The following TENM2 variants were observed in gnomAD, a reference collection of about 807,000 sequenced individuals.
The protein encoded by TENM2 is teneurin transmembrane protein 2.
TENM2 carries 52 observed loss-of-function variants against 245.2 expected under a neutral mutation model. That is an observed-to-expected ratio of 0.21 (90% CI 0.17 to 0.27). TENM2 has a LOEUF of 0.27. Among genes scored for constraint, TENM2 ranks in the 10% least tolerant of loss-of-function variants. The pLI is 1.00. For synonymous variants in TENM2, 1,363 were observed against 1,438.9 expected (o/e 0.95, Z 1.19); for missense variants, 3,046 against 3,666.8 (o/e 0.83, Z 4.37).
intron 1 of TENM2, among the ~76,000 whole-genome samples, chr5:167,349,827 TTA>T (rs1399316207): frequency 2.0e-5 from 3 of 152,150 alleles, no homozygotes; most frequent in African/African-American, 7.2e-5. Context: ...ATCTCTTTTC[TTA>T]TATACATGAA....
chr5:167,416,610 A>G (rs565295698), intron 2 of TENM2, among the ~76,000 whole-genome samples: 3 of 152,326 alleles, frequency 2.0e-5, no homozygotes, highest in African/African-American at 7.2e-5. Context: ...TTTATTGCAG[A>G]ATTACCAAAA....
At chr5:168,040,120 C>T (rs1018534276) in intron 5 of TENM2, among the ~76,000 whole-genome samples, 1 of 152,206 alleles carries the variant, frequency 6.6e-6, no homozygotes, top group Non-Finnish European at 1.5e-5. Flanking sequence ...CCTCACGCAA[C>T]TATCACCTTG....
chr5:167,800,945 T>G (rs1765665269), intron 2 of TENM2, among the ~76,000 whole-genome samples: 1 of 151,764 alleles, frequency 6.6e-6, no homozygotes, highest in Non-Finnish European at 1.5e-5. Context: ...TATTAGATCT[T>G]CCTTTGTTCT....
chr5:167,439,919 C>T (rs1158964308), intron 2 of TENM2, among the ~76,000 whole-genome samples: 2 of 152,148 alleles, frequency 1.3e-5, no homozygotes, highest in African/African-American at 2.4e-5. Flanking sequence ...ATCTATATTG[C>T]ATTATTGCCA....
chr5:168,160,809 T>A (rs1023408323), intron 12 of TENM2, among the ~76,000 whole-genome samples: 39 of 152,058 alleles, frequency 2.6e-4, no homozygotes, highest in African/African-American at 8.2e-4. Context: ...GAGGGTCATT[T>A]GAGGCCAGGA....
intron 2 of TENM2, among the ~76,000 whole-genome samples, chr5:167,716,784 G>A (rs1011536058): frequency 1.4e-4 from 21 of 151,624 alleles, no homozygotes; most frequent in African/African-American, 4.8e-4. Context: ...ACAGAAATCC[G>A]AAGGGAAAAA....
chr5:168,228,053 G>A, exon 25 of TENM2: 1 of 1,613,920 alleles, frequency 6.2e-7, no homozygotes, highest in Non-Finnish European at 8.5e-7. Flanking sequence ...TATGGAGAAT[G>A]GCTTAAACTC....
the TENM2 span, among the ~76,000 whole-genome samples, chr5:167,059,095 C>T: frequency 4.1e-4 from 62 of 152,270 alleles, no homozygotes; most frequent in East Asian, 0.012. Context: ...AGTCTGCAAA[C>T]CTCTGATATG....
chr5:167,888,463 T>TTTGGA (rs1333939585), intron 3 of TENM2, among the ~76,000 whole-genome samples: 1 of 152,030 alleles, frequency 6.6e-6, no homozygotes, highest in Non-Finnish European at 1.5e-5. Context: ...ATTTGCAATA[T>TTTGGA]CCAAAGAATG....
chr5:168,234,370 C>G (rs1023523171), intron 25 of TENM2, among the ~76,000 whole-genome samples: 2 of 152,134 alleles, frequency 1.3e-5, no homozygotes, highest in African/African-American at 4.8e-5. Context: ...CAGGCAGGCA[C>G]AGGTCACATG....
intron 2 of TENM2, among the ~76,000 whole-genome samples, chr5:167,734,922 CT>C (rs1209507503): frequency 6.6e-6 from 1 of 152,150 alleles, no homozygotes; most frequent in Non-Finnish European, 1.5e-5. Context: ...TGGTGAAAAA[CT>C]GATGGCATCA....
At chr5:167,596,724 A>T (rs1176883879) in intron 2 of TENM2, among the ~76,000 whole-genome samples, 3 of 149,728 alleles carry the variant, frequency 2.0e-5, no homozygotes, top group Non-Finnish European at 4.4e-5. Flanking sequence ...TGAACCCGGG[A>T]GGCGGAGCTT....
rs1795249143 is a variant in TENM2, at chr5:168,118,498, G to GGCCCC, written c.2008+14_2008+18dup. On this transcript the variant is annotated intron_variant, in intron 10 of 28. Transcript: ENST00000518659. ...GCACTGTGAGGAAGGTAAGCCCGCC[G>GGCCCC]GCCCCGGGGCTAGGCAGCAGTGGAG... 1 of 1,502,390 alleles carries GGCCCC rather than the reference G, an allele frequency of 6.7e-7. No individual in the cohort carries two copies. Among genetic ancestry groups the GGCCCC allele is most frequent in the Non-Finnish European group, 9.0e-7 (1 of 1,109,728 alleles). 93.1% of individuals were successfully genotyped at this position (1,502,390 alleles called of 1,614,324 possible).
At chr5:167,846,979 T>C (rs1389746413) in intron 2 of TENM2, among the ~76,000 whole-genome samples, 1 of 143,132 alleles carries the variant, frequency 7.0e-6, no homozygotes, top group African/African-American at 2.5e-5. Context: ...TGATTGGAAA[T>C]GGGATCTCAT....
the TENM2 span, among the ~76,000 whole-genome samples, chr5:167,115,452 A>G: frequency 1.3e-5 from 2 of 152,336 alleles, no homozygotes; most frequent in South Asian, 4.1e-4. Flanking sequence ...ACGGTCCCTC[A>G]GGGCCTCATC....
intron 2 of TENM2, among the ~76,000 whole-genome samples, chr5:167,543,174 C>T (rs930263485): frequency 6.6e-6 from 1 of 152,112 alleles, no homozygotes; most frequent in African/African-American, 2.4e-5. Flanking sequence ...TAGAGAGCAT[C>T]GGAGGGGGTG....
intron 5 of TENM2, among the ~76,000 whole-genome samples, chr5:168,038,438 A>G (rs1787897570): frequency 6.6e-6 from 1 of 152,140 alleles, no homozygotes; most frequent in African/African-American, 2.4e-5. Flanking sequence ...CTCTAAAACC[A>G]GCTGCCCCAC....
intron 27 of TENM2, among the ~76,000 whole-genome samples, chr5:168,251,774 G>C (rs1187340219): frequency 6.6e-6 from 1 of 152,248 alleles, no homozygotes; most frequent in Admixed American, 6.5e-5. Flanking sequence ...AGCAGCAAAA[G>C]AATGGTGGCT....
the TENM2 span, among the ~76,000 whole-genome samples, chr5:166,992,774 TAGAA>T: frequency 6.6e-6 from 1 of 152,128 alleles, no homozygotes; most frequent in South Asian, 2.1e-4. Flanking sequence ...ATTTTGAAGA[TAGAA>T]AGGGAGAGCC....
Sources: gnomAD v4.1 joint callset for allele counts (sites outside exome capture counted in the v4.1 genomes callset) on GRCh38, gnomAD v4.1.1 for gene constraint, MANE v1.5 for transcripts, NCBI Gene and HGNC (gene_info 2026-07-23, HGNC 2026-07-21) for gene names.